GSE1: variants seen among roughly 807,000 people sequenced by gnomAD.
GSE1 encodes Gse1 coiled-coil protein.
In GSE1, 32 loss-of-function variants were observed where a neutral mutation model predicts 112.6. That is an observed-to-expected ratio of 0.28 (90% CI 0.21 to 0.38). The LOEUF (loss-of-function observed/expected upper bound fraction) is 0.38, where lower values mean the gene tolerates loss of function less well. Ranked by LOEUF, GSE1 falls within the 10% of genes least tolerant of loss-of-function variation. The pLI is 1.00. For synonymous variants in GSE1, 1,115 were observed against 735.6 expected, an observed-to-expected ratio of 1.52 and a Z score of -8.35; for missense variants, 2,348 against 1,699.2, an observed-to-expected ratio of 1.38 and a Z score of -6.71.
intron 2 of GSE1, among the ~76,000 whole-genome samples, chr16:85,483,354 G>T (rs575945920): frequency 6.6e-6 from 1 of 152,366 alleles, no homozygotes; most frequent in African/African-American, 2.4e-5. Flanking sequence ...ACGTGGAGTT[G>T]AGTCCCCTTC....
intron 1 of GSE1, among the ~76,000 whole-genome samples, chr16:85,336,772 C>G (rs1447165630): frequency 6.6e-6 from 1 of 152,042 alleles, no homozygotes; most frequent in Non-Finnish European, 1.5e-5. Context: ...CAGCCTTGCC[C>G]TCACAATTCT....
chr16:85,654,395 C>G lies in GSE1; in HGVS notation c.544C>G (p.Pro182Ala), dbSNP rs373051722. ...IPSHLLSTPY[P>A]FGLSPSSVVQ... ...CTCGCACCTGCTCAGCACCCCCTAC[C>G]CCTTCGGCCTCTCCCCCAGCTCAGT... The change falls in exon 4 of 16, where the codon CCC becomes GCC. Residue 182 changes from proline to alanine, a missense_variant. Transcript: ENST00000253458. The G allele has an allele frequency of 8.1e-6, 13 of 1,604,610 alleles. No homozygotes were observed. The highest frequency in any genetic ancestry group is 5.4e-5 in the African/African-American group (4 of 74,626).
At chr16:85,361,125 G>A (rs1000661120) in intron 2 of GSE1, among the ~76,000 whole-genome samples, 2 of 141,550 alleles carry the variant, frequency 1.4e-5, no homozygotes, top group African/African-American at 5.3e-5. Context: ...ACAGAGACAG[G>A]CACAGACCCC....
intron 2 of GSE1, among the ~76,000 whole-genome samples, chr16:85,472,681 C>G (rs890775773): frequency 1.3e-5 from 2 of 152,230 alleles, no homozygotes; most frequent in Non-Finnish European, 2.9e-5. Context: ...CCAGGCCTTG[C>G]TCAGTCTGAC....
At chr16:85,617,330 C>T (rs924752612) in intron 1 of GSE1, among the ~76,000 whole-genome samples, 2 of 152,156 alleles carry the variant, frequency 1.3e-5, no homozygotes, top group African/African-American at 4.8e-5. Context: ...TGGAGAGGGC[C>T]TCTGGTTTAC....
chr16:85,400,631 CTG>C (rs68076972), intron 2 of GSE1, among the ~76,000 whole-genome samples: 133,197 of 149,818 alleles, frequency 0.89, 60,653 homozygotes, highest in Non-Finnish European at 1. Context: ...CTCTGTGTGT[CTG>C]TGTGTTGTGT....
chr16:85,299,866 G>A (rs1183617713), intron 1 of GSE1, among the ~76,000 whole-genome samples: 1 of 150,868 alleles, frequency 6.6e-6, no homozygotes, highest in Non-Finnish European at 1.5e-5. Flanking sequence ...AGCCTGGGAG[G>A]TCGAGGCTTC....
chr16:85,313,588 G>A (rs1230483895), intron 1 of GSE1, among the ~76,000 whole-genome samples: 1 of 152,098 alleles, frequency 6.6e-6, no homozygotes, highest in East Asian at 1.9e-4. Flanking sequence ...TTCCTGCCCT[G>A]CTAGTGCCCC....
chr16:85,554,818 G>A, upstream of GSE1: 2 of 939,242 alleles, frequency 2.1e-6, no homozygotes, highest in Non-Finnish European at 2.5e-6. Context: ...CGGGCGGGCG[G>A]CCAGAGCGCG....
At chr16:85,200,741 A>G (rs1380906959) in intron 1 of GSE1, among the ~76,000 whole-genome samples, 1 of 152,182 alleles carries the variant, frequency 6.6e-6, no homozygotes, top group East Asian at 1.9e-4. Flanking sequence ...TCGTGCTAAG[A>G]TGACGGGAAA....
chr16:85,362,056 G>A (rs894223107), intron 2 of GSE1, among the ~76,000 whole-genome samples: 1 of 152,142 alleles, frequency 6.6e-6, no homozygotes, highest in African/African-American at 2.4e-5. Context: ...GCTGGCTGCC[G>A]GGAGTACAGC....
At chr16:85,188,863 C>T (rs1027615698) in intron 1 of GSE1, among the ~76,000 whole-genome samples, 2 of 151,898 alleles carry the variant, frequency 1.3e-5, no homozygotes, top group African/African-American at 4.8e-5. Context: ...CCATCATCCT[C>T]ATCACTACCT....
intron 2 of GSE1, among the ~76,000 whole-genome samples, chr16:85,401,792 G>A (rs994919141): frequency 6.6e-6 from 1 of 152,228 alleles, no homozygotes; most frequent in African/African-American, 2.4e-5. Context: ...GGGGAGGGCC[G>A]AGAGCAGTGT....
intron 2 of GSE1, among the ~76,000 whole-genome samples, chr16:85,386,750 A>C (rs1471607805): frequency 6.6e-6 from 1 of 152,230 alleles, no homozygotes; most frequent in African/African-American, 2.4e-5. Flanking sequence ...TGGGTGCTGG[A>C]AACAGCTCCC....
chr16:85,432,899 T>A (rs527253599), intron 2 of GSE1, among the ~76,000 whole-genome samples: 1 of 152,102 alleles, frequency 6.6e-6, no homozygotes, highest in African/African-American at 2.4e-5. Flanking sequence ...TCTATACGGG[T>A]CATCCTGTGG....
At position 85,416,468 on chromosome 16, in the gene GSE1, G is replaced by A. The variant is rs375940175; in HGVS notation, c.2464+58825G>A. On this transcript the variant is annotated intron_variant, in intron 2 of 2. Transcript: ENST00000637419. ...CCGAGCAGGTGGGAGTCCACCGGGCGGTGCTTTCTGCCCAGCTCCTTCCCG... is the reference window on the plus strand; with the variant it reads ...CCGAGCAGGTGGGAGTCCACCGGGCAGTGCTTTCTGCCCAGCTCCTTCCCG... Among the ~76,000 whole-genome samples, 106 of 152,246 alleles carry A rather than the reference G, an allele frequency of 7.0e-4. 1 individual carries two copies. The highest frequency in any genetic ancestry group is 2.3e-3 in the African/African-American group (95 of 41,562).
chr16:85,246,381 A>G (rs1230789168), intron 1 of GSE1, among the ~76,000 whole-genome samples: 2 of 67,036 alleles, frequency 3.0e-5, no homozygotes, highest in Non-Finnish European at 2.9e-5. Flanking sequence ...CACGCTGTCT[A>G]CACACACACC....
chr16:85,478,089 T>C (rs2050517984), intron 2 of GSE1, among the ~76,000 whole-genome samples: 1 of 152,212 alleles, frequency 6.6e-6, no homozygotes. Context: ...TGGATTTCCC[T>C]GTTCTGGTCA....
At chr16:85,492,097 C>T (rs1165979711) in intron 2 of GSE1, among the ~76,000 whole-genome samples, 3 of 152,192 alleles carry the variant, frequency 2.0e-5, no homozygotes, top group Admixed American at 6.5e-5. Flanking sequence ...CCCGCCCCTC[C>T]GAGGCAGCGG....
Sources: gnomAD v4.1 joint callset for allele counts (sites outside exome capture counted in the v4.1 genomes callset) on GRCh38, gnomAD v4.1.1 for gene constraint, MANE v1.5 for transcripts, NCBI Gene and HGNC (gene_info 2026-07-23, HGNC 2026-07-21) for gene names.